The following PPP1R14C variants were observed in gnomAD, a reference collection of about 807,000 sequenced individuals.
PPP1R14C encodes the protein protein phosphatase 1 regulatory inhibitor subunit 14C.
Under a neutral mutation model 20.4 loss-of-function variants are expected in PPP1R14C, and 16 were observed. That is an observed-to-expected ratio of 0.78 (90% CI 0.53 to 1.19). The LOEUF is 1.19. Ranked by LOEUF, PPP1R14C falls within the 50% of genes most tolerant of loss-of-function variation. The pLI, the probability that PPP1R14C is intolerant of heterozygous loss-of-function variation, is 0.00. For synonymous variants in PPP1R14C, 91 were observed against 91.0 expected, an observed-to-expected ratio of 1.00 and a Z score of 0.00; for missense variants, 211 against 220.1, an observed-to-expected ratio of 0.96 and a Z score of 0.26.
intron 2 of PPP1R14C, among the ~76,000 whole-genome samples, chr6:150,216,213 G>A (rs1445989542): frequency 6.6e-6 from 1 of 152,084 alleles, no homozygotes; most frequent in African/African-American, 2.4e-5. Context: ...CCTGGTCAAG[G>A]GGCTGGGCAT....
rs546951872 is a variant in PPP1R14C at position 150,214,599 on chromosome 6, C to A, written c.307-145C>A. ...TTTTCTCTCTTTCCTTCCCTCCTCT[C>A]CCCCTAGCCTCTCCTTCCCCCTGCT... On this transcript the variant is annotated intron_variant, in intron 1 of 3. Transcript: ENST00000361131. 587 of 576,386 alleles carry A rather than the reference C, an allele frequency of 1.0e-3. 2 individuals carry two copies. Among genetic ancestry groups the A allele is most frequent in the South Asian group, 1.6e-3 (71 of 45,416 alleles). 35.7% of individuals were successfully genotyped at this position (576,386 alleles called of 1,614,324 possible).
chr6:150,221,956 A>G (rs1466774518), intron 3 of PPP1R14C, among the ~76,000 whole-genome samples: 1 of 151,924 alleles, frequency 6.6e-6, no homozygotes, highest in African/African-American at 2.4e-5. Flanking sequence ...ACACCACCAC[A>G]CTCAGCTAAT....
chr6:150,184,547 C>T (rs1777656750), intron 1 of PPP1R14C, among the ~76,000 whole-genome samples: 1 of 152,130 alleles, frequency 6.6e-6, no homozygotes, highest in Non-Finnish European at 1.5e-5. Context: ...CTCCCCCACC[C>T]CATCCTCTTC....
At position 150,247,787 on chromosome 6, in the gene PPP1R14C, C is replaced by T. The variant is rs988716914; in HGVS notation, c.424-959C>T. Among the ~76,000 whole-genome samples the T allele has an allele frequency of 2.6e-5, 4 of 152,188 alleles. No homozygotes were observed. In the South Asian group the frequency reaches 8.3e-4, roughly 32 times the overall value. On this transcript the variant is annotated intron_variant, in intron 3 of 3. Coordinates refer to ENST00000361131, the MANE Select transcript of PPP1R14C (RefSeq NM_030949.3). Reference sequence around the variant, plus strand: ...AAGTAGCATCAGTGTCACCTGGGAGCTTGTCAGAAATGTACCTTATTGGGC... The same window carrying T: ...AAGTAGCATCAGTGTCACCTGGGAGTTTGTCAGAAATGTACCTTATTGGGC...
Position 150,143,639 on chromosome 6 carries a change from T to G in PPP1R14C, c.306+141T>G. 1 of 645,436 alleles carries G rather than the reference T, an allele frequency of 1.5e-6. No individual in the cohort carries two copies. Among genetic ancestry groups the G allele is most frequent in the Non-Finnish European group, 2.6e-6 (1 of 390,926 alleles). The allele number at this position is 645,436 out of a possible 1,614,324, so 40.0% of individuals were successfully genotyped here. A position where few individuals can be genotyped will look rare whatever the true frequency, so the allele number is the denominator to read the frequency against. On this transcript the variant is annotated intron_variant, in intron 1 of 3. Transcript: ENST00000361131. This position sits in a 1 kb window ranked among gnomAD's most constrained non-coding sequence, Gnocchi z 5.6. The stretch of plus-strand genomic sequence containing the variant: ...AGTGCCAGGAGCGAGGCGCGGCGCC[T>G]TCTCTCCCCCGCGGTGCCCTCTGGC...
rs138983563 is a variant in PPP1R14C, at chr6:150,242,028, G to A, written c.424-6718G>A. On this transcript the variant is annotated intron_variant, in intron 3 of 3. Coordinates refer to ENST00000361131, the MANE Select transcript of PPP1R14C (RefSeq NM_030949.3). ...TATTCTGTGTTGAGTGTGGGAGTAG[G>A]AAAGAGAGTTTTGTTTTTGCTGTCT... Among the ~76,000 whole-genome samples, 595 of 152,288 alleles carry A rather than the reference G, an allele frequency of 3.9e-3. 2 individuals are homozygous for A. The highest frequency in any genetic ancestry group is 6.9e-3 in the Admixed American group (105 of 15,304).
chr6:150,242,468 C>A (rs1562278428), intron 3 of PPP1R14C, among the ~76,000 whole-genome samples: 1 of 152,004 alleles, frequency 6.6e-6, no homozygotes, highest in African/African-American at 2.4e-5. Context: ...GGGGAAAAAC[C>A]CCTCTAATCA....
intron 3 of PPP1R14C, among the ~76,000 whole-genome samples, chr6:150,243,515 C>A (rs1778457219): frequency 5.3e-5 from 8 of 152,066 alleles, no homozygotes; most frequent in Admixed American, 5.2e-4. Flanking sequence ...CCTAGAATAG[C>A]CAAAACAATT....
intron 1 of PPP1R14C, among the ~76,000 whole-genome samples, chr6:150,167,943 G>T (rs80095188): frequency 0.012 from 118 of 9,886 alleles, no homozygotes; most frequent in East Asian, 0.04. Context: ...CCATGTCTCC[G>T]TTCTCCCCTT....
chr6:150,210,714 T>A (rs954075108), intron 1 of PPP1R14C, among the ~76,000 whole-genome samples: 4 of 152,230 alleles, frequency 2.6e-5, no homozygotes, highest in Admixed American at 2.6e-4. Flanking sequence ...CTATTTTCAG[T>A]TATTCCTGAA....
chr6:150,242,129 A>AAAC lies in PPP1R14C; in HGVS notation c.424-6599_424-6597dup, dbSNP rs142243744. On this transcript the variant is annotated intron_variant, in intron 3 of 3. Coordinates refer to ENST00000361131, the MANE Select transcript of PPP1R14C (RefSeq NM_030949.3). ...ACACACAACAAAACAAAACAAAACA[A>AAAC]AACAACAACAACAACAACAAAAACC... Among the ~76,000 whole-genome samples, 278 of 152,036 alleles carry AAAC rather than the reference A, an allele frequency of 1.8e-3. 4 individuals carry two copies. Among genetic ancestry groups the AAAC allele is most frequent in the African/African-American group, 6.1e-3 (252 of 41,400 alleles).
chr6:150,186,363 CAG>C (rs1334140522), intron 1 of PPP1R14C, among the ~76,000 whole-genome samples: 1 of 152,136 alleles, frequency 6.6e-6, no homozygotes. Context: ...AGCTGGGCCT[CAG>C]AGGGGAGTGT....
At chr6:150,192,342 G>A (rs564402655) in intron 1 of PPP1R14C, among the ~76,000 whole-genome samples, 18 of 152,120 alleles carry the variant, frequency 1.2e-4, no homozygotes, top group Middle Eastern at 3.4e-3. Context: ...AGATGGTTTC[G>A]GGATGAAACT....
rs1225653652 is a variant in PPP1R14C at position 150,249,507 on chromosome 6, A to G, written c.*687A>G. The G allele has an allele frequency of 1.0e-5, 4 of 398,486 alleles. No homozygotes were observed. The highest frequency in any genetic ancestry group is 4.4e-5 in the Admixed American group (1 of 22,712). 24.7% of individuals were successfully genotyped at this position (398,486 alleles called of 1,614,324 possible). ...CAAGGGCTTAATTTATGGAATTTCT[A>G]TTATTTCATTGGTTGGGATGCTTTG... On this transcript the variant is annotated 3_prime_UTR_variant, in exon 4 of 4. Transcript: ENST00000361131.
chr6:150,222,026 C>T (rs540082344), intron 3 of PPP1R14C, among the ~76,000 whole-genome samples: 5 of 152,170 alleles, frequency 3.3e-5, no homozygotes, highest in African/African-American at 7.2e-5. Flanking sequence ...CTCAAACTCC[C>T]GAGCTCCAGC....
At chr6:150,222,371 A>T (rs1302818253) in intron 3 of PPP1R14C, among the ~76,000 whole-genome samples, 1 of 152,198 alleles carries the variant, frequency 6.6e-6, no homozygotes, top group Non-Finnish European at 1.5e-5. Flanking sequence ...TCCACCTCAC[A>T]CATGTACACA....
intron 3 of PPP1R14C, among the ~76,000 whole-genome samples, chr6:150,234,081 T>C (rs1014688804): frequency 6.6e-6 from 1 of 152,228 alleles, no homozygotes; most frequent in Non-Finnish European, 1.5e-5. Context: ...CTATTTTTTT[T>C]CCCCAACCTT....
rs139898004 is a variant in PPP1R14C at position 150,178,470 on chromosome 6, C to T, written c.306+34972C>T. 2.3e-3 allele frequency among the ~76,000 whole-genome samples: 347 copies of T among 152,320 alleles called. 2 individuals carry two copies. Among genetic ancestry groups the T allele is most frequent in the African/African-American group, 8.0e-3 (332 of 41,570 alleles). On this transcript the variant is annotated intron_variant, in intron 1 of 3. Coordinates refer to ENST00000361131, the MANE Select transcript of PPP1R14C (RefSeq NM_030949.3). Reference sequence around the variant, plus strand: ...TCACAGCAGGTGAGGTTGTGTCCCTCTCCTAATATGCAGGGCCAGCCTTTG... The same window carrying T: ...TCACAGCAGGTGAGGTTGTGTCCCTTTCCTAATATGCAGGGCCAGCCTTTG...
chr6:150,189,985 G>A (rs972586607), intron 1 of PPP1R14C, among the ~76,000 whole-genome samples: 1 of 152,094 alleles, frequency 6.6e-6, no homozygotes, highest in Non-Finnish European at 1.5e-5. Flanking sequence ...TCACCCTTCA[G>A]CAAGGCTTTC....
Sources: gnomAD v4.1 joint callset for allele counts (sites outside exome capture counted in the v4.1 genomes callset) on GRCh38, gnomAD v4.1.1 for gene constraint, Gnocchi (gnomAD v3.1) non-coding constraint, MANE v1.5 for transcripts, NCBI Gene and HGNC (gene_info 2026-07-23, HGNC 2026-07-21) for gene names.